The following ZSCAN25 variants were observed in gnomAD, a reference collection of about 807,000 sequenced individuals.
ZSCAN25 encodes the protein zinc finger and SCAN domain-containing protein 25.
Under a neutral mutation model 38.7 loss-of-function variants are expected in ZSCAN25, and 27 were observed. The observed-to-expected ratio is 0.70, with a 90% CI of 0.51 to 0.96. The LOEUF is 0.96. Ranked by LOEUF, ZSCAN25 falls within the 40% of genes least tolerant of loss-of-function variation. The probability of loss-of-function intolerance (pLI) is 0.00; values close to 1 mark genes in which losing one functional copy is unlikely to be tolerated. For missense variants in ZSCAN25, 637 were observed against 705.9 expected, an observed-to-expected ratio of 0.90 and a Z score of 1.11; for synonymous variants, 273 against 277.7, an observed-to-expected ratio of 0.98 and a Z score of 0.17.
chr7:99,660,312 T>C, the ZSCAN25 span: 6 of 1,207,350 alleles, frequency 5.0e-6, no homozygotes, highest in South Asian at 8.6e-5. Context: ...AAAGATCTTA[T>C]GCTTCTGCCA....
downstream of ZSCAN25, among the ~76,000 whole-genome samples, chr7:99,633,028 C>T (rs1413234006): frequency 2.2e-5 from 3 of 139,328 alleles, no homozygotes; most frequent in Non-Finnish European, 4.5e-5. Flanking sequence ...CTCTGTTGCC[C>T]AGGCTGGAGT....
the ZSCAN25 span, chr7:99,695,937 G>T: frequency 1.0e-6 from 1 of 972,246 alleles, no homozygotes; most frequent in Non-Finnish European, 1.6e-6. Flanking sequence ...CTCAAGAGAA[G>T]GAGGTAACAT....
chr7:99,620,045 T>C (rs1200377749), intron 4 of ZSCAN25, 52 bp downstream of exon 4: 1 of 1,527,616 alleles, frequency 6.5e-7, no homozygotes, highest in African/African-American at 1.4e-5. Flanking sequence ...GCAGGGAATG[T>C]TAAAGAATCC....
At chr7:99,675,733 G>C in the ZSCAN25 span, among the ~76,000 whole-genome samples, 1 of 101,180 alleles carries the variant, frequency 9.9e-6, no homozygotes, top group African/African-American at 3.9e-5. Context: ...TTGTTCTGTT[G>C]ACCAAGCTGG....
At chr7:99,627,215 C>T (rs1807551586) in intron 7 of ZSCAN25, among the ~76,000 whole-genome samples, 1 of 152,180 alleles carries the variant, frequency 6.6e-6, no homozygotes, top group African/African-American at 2.4e-5. Flanking sequence ...CTAACAATGA[C>T]ATTCCCAACA....
chr7:99,638,346 A>G, the ZSCAN25 span: 2 of 1,604,218 alleles, frequency 1.2e-6, no homozygotes, highest in Non-Finnish European at 1.7e-6. Context: ...AATCCAGGTC[A>G]GGCCCAGTTT....
At chr7:99,636,630 A>G (rs766869634), downstream of ZSCAN25, among the ~76,000 whole-genome samples, 11 of 152,236 alleles carry the variant, frequency 7.2e-5, no homozygotes, top group Non-Finnish European at 1.2e-4. Flanking sequence ...TGCAGTCTAC[A>G]TTTCTTAAAT....
the ZSCAN25 span, chr7:99,649,987 A>G: frequency 1.3e-6 from 2 of 1,501,456 alleles, no homozygotes; most frequent in African/African-American, 2.8e-5. Flanking sequence ...ATGAATTATT[A>G]AAAGATAAAC....
the ZSCAN25 span, among the ~76,000 whole-genome samples, chr7:99,645,353 C>T: frequency 6.6e-6 from 1 of 152,116 alleles, no homozygotes; most frequent in African/African-American, 2.4e-5. Context: ...TTTCTTTATT[C>T]AGTCCGTAAT....
In ZSCAN25 at chr7:99,622,573, C is replaced by G. The variant is rs201477750; in HGVS notation, c.614C>G (p.Pro205Arg). 135 of 1,614,194 alleles carry G rather than the reference C, an allele frequency of 8.4e-5. No homozygotes were observed. The East Asian group carries it at 2.9e-3, about 35-fold the overall frequency. ...GCACTACCTGTTCTGCAGGCGGGTC[C>G]TGGCCTCCCCGCAGTGAATCCCAGA... ...EQALPVLQAG[P>R]GLPAVNPRDQ... Residue 205 changes from proline (P) to arginine (R), a missense_variant, in exon 6 of 8, where the codon CCT (proline) becomes CGT (arginine). Physicochemically the swap from Pro to Arg is moderately radical, Grantham distance 103. Transcript: ENST00000394152.
Position 99,619,987 on chromosome 7 carries a change from C to T in ZSCAN25, c.381C>T (p.Ala127=). 3 of 1,611,750 alleles carry T rather than the reference C, an allele frequency of 1.9e-6. No homozygotes were observed. The highest frequency in any genetic ancestry group is 2.5e-6 in the Non-Finnish European group (3 of 1,179,372). ...VEDLTERALE[A]KAVPCHRQGE... ...ACCTGACAGAAAGAGCACTGGAGGC[C>T]AAGGCGGTGGGTGAGGAGGGGATCC... The change falls in exon 4 of 8, where the codon GCC becomes GCT. Residue 127 remains alanine (A), a synonymous_variant. Coordinates refer to ENST00000394152, the MANE Select transcript of ZSCAN25 (RefSeq NM_145115.3).
chr7:99,623,012 T>G (rs1479807851), intron 6 of ZSCAN25, among the ~76,000 whole-genome samples: 36 of 152,200 alleles, frequency 2.4e-4, no homozygotes, highest in Admixed American at 2.3e-3. Flanking sequence ...TTCACCGTGT[T>G]AGCCAGGATG....
At chr7:99,617,974 A>G (rs888741662) in intron 1 of ZSCAN25, among the ~76,000 whole-genome samples, 1 of 152,244 alleles carries the variant, frequency 6.6e-6, no homozygotes, top group African/African-American at 2.4e-5. Context: ...TCAATGTTGC[A>G]GAGTCAATGA....
Position 99,622,489 on chromosome 7 carries a change from G to T in ZSCAN25, c.590-60G>T, listed in dbSNP as rs1807065024. On this transcript the variant is annotated intron_variant, in intron 5 of 7. Transcript: ENST00000394152. ...TCTGGTAGGGGACACATTTGAACGA[G>T]CTAACAGCATAACATCACTGATCCT... The T allele has an allele frequency of 1.4e-5, 21 of 1,520,464 alleles. No individual in the cohort carries two copies. In the South Asian group the frequency reaches 2.4e-4, roughly 17 times the overall value. 94.2% of individuals were successfully genotyped at this position (1,520,464 alleles called of 1,614,324 possible). A position where few individuals can be genotyped will look rare whatever the true frequency, so the allele number is the denominator to read the frequency against.
chr7:99,672,860 A>C, the ZSCAN25 span: 3 of 1,411,416 alleles, frequency 2.1e-6, no homozygotes, highest in Non-Finnish European at 2.8e-6. Context: ...CTCACACAGG[A>C]GCCACCCAAG....
In ZSCAN25 at chr7:99,620,153, C is replaced by G. The variant is rs145536834; in HGVS notation, c.387+160C>G. Reference sequence around the variant, plus strand: ...TCTTTTTGGAGAGCAGTGGCGTTTTCAGCAAGAAAGGCCATTCCCAGGGGA... The same window carrying G: ...TCTTTTTGGAGAGCAGTGGCGTTTTGAGCAAGAAAGGCCATTCCCAGGGGA... On this transcript the variant is annotated intron_variant, in intron 4 of 7. Coordinates refer to ENST00000394152, the MANE Select transcript of ZSCAN25 (RefSeq NM_145115.3). 2.2e-4 allele frequency: 249 copies of G among 1,106,900 alleles called. No individual in the cohort carries two copies. In the African/African-American group the frequency reaches 3.7e-3, roughly 17 times the overall value. 68.6% of individuals were successfully genotyped at this position (1,106,900 alleles called of 1,614,324 possible). A position where few individuals can be genotyped will look rare whatever the true frequency, so the allele number is the denominator to read the frequency against.
the ZSCAN25 span, among the ~76,000 whole-genome samples, chr7:99,695,074 C>T: frequency 6.6e-6 from 1 of 152,040 alleles, no homozygotes; most frequent in African/African-American, 2.4e-5. Flanking sequence ...ACTCCCTGCT[C>T]AGACTCACCC....
intron 7 of ZSCAN25, among the ~76,000 whole-genome samples, chr7:99,626,962 G>C (rs973309612): frequency 2.0e-5 from 3 of 152,150 alleles, no homozygotes; most frequent in African/African-American, 7.2e-5. Flanking sequence ...CAGTGTCTCT[G>C]TTTATACTTA....
chr7:99,731,232 C>T, the ZSCAN25 span: 150 of 1,523,160 alleles, frequency 9.8e-5, no homozygotes, highest in Non-Finnish European at 1.3e-4. Flanking sequence ...GACTGAGGAA[C>T]TGGAATGATC....
Sources: allele counts gnomAD v4.1 joint callset (sites outside exome capture counted in the v4.1 genomes callset), GRCh38; gene constraint gnomAD v4.1.1; transcripts MANE v1.5; gene names NCBI Gene and HGNC (gene_info 2026-07-23, HGNC 2026-07-21).